Variants in LACTBL1 observed in about 807,000 individuals in gnomAD.
LACTBL1 encodes beta-lactamase-like protein 1.
Under a neutral mutation model 39.6 loss-of-function variants are expected in LACTBL1, and 29 were observed. The observed-to-expected ratio is 0.73, with a 90% CI of 0.55 to 1.00. LACTBL1 has a LOEUF of 1.00. LACTBL1 is among the 50% of genes least tolerant of loss of function. LACTBL1 has a pLI of 0.00. For synonymous variants in LACTBL1, 361 were observed against 360.7 expected (o/e 1.00, Z -0.01); for missense variants, 711 against 748.5 (o/e 0.95, Z 0.59).
chr1:22,957,659 T>C (rs1421918013), intron 4 of LACTBL1, among the ~76,000 whole-genome samples: 1 of 139,604 alleles, frequency 7.2e-6, no homozygotes, highest in Non-Finnish European at 1.5e-5. Flanking sequence ...TTTTTTTTTT[T>C]TTTTTTTTGA....
intron 4 of LACTBL1, among the ~76,000 whole-genome samples, chr1:22,958,119 T>C (rs1640780702): frequency 6.6e-6 from 1 of 152,180 alleles, no homozygotes; most frequent in African/African-American, 2.4e-5. Flanking sequence ...ACTTTTTTTC[T>C]TTTTAGAGAC....
chr1:22,964,703 G>C (rs1004878224), intron 1 of LACTBL1, among the ~76,000 whole-genome samples: 1 of 152,244 alleles, frequency 6.6e-6, no homozygotes, highest in African/African-American at 2.4e-5. Context: ...GTCCCAGCTA[G>C]AGCCTAGGCT....
intron 1 of LACTBL1, 69 bp downstream of exon 3, chr1:22,965,221 G>T: frequency 8.0e-7 from 1 of 1,251,494 alleles, no homozygotes; most frequent in Non-Finnish European, 1.0e-6. Context: ...AGAATCAGGG[G>T]TGGCAGCTCA....
intron 2 of LACTBL1, among the ~76,000 whole-genome samples, chr1:22,962,756 T>C (rs1640838179): frequency 6.6e-6 from 1 of 152,100 alleles, no homozygotes; most frequent in Non-Finnish European, 1.5e-5. Flanking sequence ...CTGCTACTTA[T>C]TCACATCTCA....
At chr1:22,970,775 A>G in the LACTBL1 span, among the ~76,000 whole-genome samples, 1 of 146,946 alleles carries the variant, frequency 6.8e-6, no homozygotes, top group Non-Finnish European at 1.5e-5. Context: ...ATGCCACTGC[A>G]CTCCAGCCTG....
At chr1:22,967,869 A>C (rs1258797280), upstream of LACTBL1, among the ~76,000 whole-genome samples, 2 of 152,200 alleles carry the variant, frequency 1.3e-5, no homozygotes, top group African/African-American at 4.8e-5. Flanking sequence ...TACCCAAAGC[A>C]GTTCCTGGAA....
At chr1:22,970,297 A>G (rs1232454947), upstream of LACTBL1, among the ~76,000 whole-genome samples, 1 of 152,240 alleles carries the variant, frequency 6.6e-6, no homozygotes, top group African/African-American at 2.4e-5. Context: ...CTACTGATAC[A>G]TGCAATAATG....
chr1:22,966,297 C>T (rs548962603), upstream of LACTBL1, among the ~76,000 whole-genome samples: 117 of 152,204 alleles, frequency 7.7e-4, no homozygotes, highest in Non-Finnish European at 1.3e-3. Context: ...GGACTCTTTC[C>T]TGCCTTTTGG....
At chr1:22,968,692 A>G (rs918619596), upstream of LACTBL1, among the ~76,000 whole-genome samples, 27 of 152,184 alleles carry the variant, frequency 1.8e-4, no homozygotes, top group African/African-American at 5.1e-4. Flanking sequence ...CTGATTTGCA[A>G]TCTTAGCTCA....
At chr1:22,966,647 G>A (rs755043952), upstream of LACTBL1, among the ~76,000 whole-genome samples, 5 of 152,168 alleles carry the variant, frequency 3.3e-5, no homozygotes, top group East Asian at 1.9e-4. Context: ...CATGGTTTCC[G>A]ATTCTCTTCT....
rs976341399 is a variant in LACTBL1 at position 22,953,840 on chromosome 1, G to T, written c.844C>A (p.Arg282=). Residue 282 remains arginine (R), a synonymous_variant, in exon 6 of 6, where the codon CGG becomes AGG. Transcript: ENST00000426928. ...CCCAGGTCATAGAGTGGCGCCGGCC[G>T]CCCGCTGCCGTAGAAGCCCGCGGCC... The T allele has an allele frequency of 1.6e-5, 24 of 1,548,002 alleles. No individual in the cohort carries two copies. The African/African-American group carries it at 2.7e-4, about 18-fold the overall frequency.
exon 2 of LACTBL1, chr1:22,963,157 G>C (rs1174009147): frequency 1.5e-6 from 2 of 1,311,098 alleles, no homozygotes; most frequent in Non-Finnish European, 2.0e-6. Context: ...AGGGGCACGG[G>C]CTCAGGGTGC....
chr1:22,963,234 T>G lies in LACTBL1; in HGVS notation c.50-18A>C. 1.6e-6 allele frequency: 2 copies of G among 1,285,644 alleles called. No homozygotes were observed. The highest frequency in any genetic ancestry group is 2.0e-6 in the Non-Finnish European group (2 of 985,166). 79.6% of individuals were successfully genotyped at this position (1,285,644 alleles called of 1,614,324 possible). On this transcript the variant is annotated intron_variant, in intron 1 of 5. Transcript: ENST00000426928. ...CAGGGAACCTGGAGGGAACATCACATGGTGAGGAGGGGACAGAGATCAGGA... is the reference window on the plus strand; with the variant it reads ...CAGGGAACCTGGAGGGAACATCACAGGGTGAGGAGGGGACAGAGATCAGGA...
chr1:22,963,566 C>A (rs1021032082), intron 1 of LACTBL1, among the ~76,000 whole-genome samples: 9 of 152,208 alleles, frequency 5.9e-5, no homozygotes, highest in Non-Finnish European at 1.2e-4. Flanking sequence ...CTGCTGTCGT[C>A]CTGATTATGT....
chr1:22,964,118 G>C (rs1331672636), intron 1 of LACTBL1, among the ~76,000 whole-genome samples: 1 of 152,044 alleles, frequency 6.6e-6, no homozygotes, highest in African/African-American at 2.4e-5. Context: ...TGTATTTTTA[G>C]TAAAGCCAAG....
At chr1:22,953,287 G>A in exon 6 of LACTBL1, 21 of 1,226,726 alleles carry the variant, frequency 1.7e-5, no homozygotes, top group Non-Finnish European at 2.1e-5. Flanking sequence ...GCGGAACGCT[G>A]GAGGCACCAG....
exon 3 of LACTBL1, chr1:22,960,022 A>G: frequency 1.3e-6 from 2 of 1,551,048 alleles, no homozygotes; most frequent in Non-Finnish European, 1.7e-6. Context: ...TCCAGAGCAC[A>G]GTATCATTGT....
chr1:22,960,050 A>G (rs1640804131), exon 3 of LACTBL1: 5 of 1,550,728 alleles, frequency 3.2e-6, no homozygotes, highest in Non-Finnish European at 4.4e-6. Flanking sequence ...AACTGCAGAC[A>G]TGGCAGCCAC....
At chr1:22,957,640 CTTTTTTT>C (rs34603019) in intron 4 of LACTBL1, among the ~76,000 whole-genome samples, 1 of 56,682 alleles carries the variant, frequency 1.8e-5, no homozygotes, top group East Asian at 7.0e-4. Context: ...TCTTAATATT[CTTTTTTT>C]TTTTTTTTTT....
Sources: allele counts gnomAD v4.1 joint callset (sites outside exome capture counted in the v4.1 genomes callset), GRCh38; gene constraint gnomAD v4.1.1; transcripts MANE v1.5; gene names NCBI Gene and HGNC (gene_info 2026-07-23, HGNC 2026-07-21).